The following AP1M1 variants were observed in gnomAD, a reference collection of about 807,000 sequenced individuals.
The protein encoded by AP1M1 is AP-1 complex subunit mu-1.
AP1M1 carries 18 observed loss-of-function variants against 57.1 expected under a neutral mutation model. The ratio of observed to expected loss-of-function variants is 0.32; its 90% CI spans 0.22 to 0.47. AP1M1 has a LOEUF of 0.47. Ranked by LOEUF, AP1M1 falls within the 20% of genes least tolerant of loss-of-function variation. The probability of loss-of-function intolerance (pLI) is 1.00; values close to 1 mark genes in which losing one functional copy is unlikely to be tolerated. For synonymous variants in AP1M1, 241 were observed against 237.9 expected, an observed-to-expected ratio of 1.01 and a Z score of -0.12; for missense variants, 362 against 593.5, an observed-to-expected ratio of 0.61 and a Z score of 4.05.
At position 16,237,333 on chromosome 19, in the gene AP1M1, C is replaced by G. The variant is rs896946309; in HGVS notation, c.*2898C>G. The G allele has an allele frequency of 6.6e-6, 1 of 152,338 alleles. No homozygotes were observed. Among genetic ancestry groups the G allele is most frequent in the African/African-American group, 2.4e-5 (1 of 41,434 alleles). 9.4% of individuals were successfully genotyped at this position (152,338 alleles called of 1,614,324 possible). On this transcript the variant is annotated 3_prime_UTR_variant, in exon 12 of 12. Coordinates refer to ENST00000291439, the MANE Select transcript of AP1M1 (RefSeq NM_032493.4). ...CCTGTAATCCCAGCTACTCAGTATG[C>G]TGAGGCAGGAGAATGGCTTGAACCC...
Position 16,206,586 on chromosome 19 carries a change from A to G in AP1M1, c.267+178A>G. ...ACTCCCCACGCCTGTGGAATTCTATAGCTCACGTTGCTCCCCTACCGTGGG... is the reference window on the plus strand; with the variant it reads ...ACTCCCCACGCCTGTGGAATTCTATGGCTCACGTTGCTCCCCTACCGTGGG... On this transcript the variant is annotated intron_variant, in intron 3 of 11. Coordinates refer to ENST00000291439, the MANE Select transcript of AP1M1 (RefSeq NM_032493.4). This position sits in a 1 kb window ranked among gnomAD's most constrained non-coding sequence, Gnocchi z 4.3. The G allele has an allele frequency of 1.5e-6, 1 of 668,646 alleles. No individual in the cohort carries two copies. Among genetic ancestry groups the G allele is most frequent in the Non-Finnish European group, 2.6e-6 (1 of 377,770 alleles). The allele number at this position is 668,646 out of a possible 1,614,324, so 41.4% of individuals were successfully genotyped here.
In AP1M1 at chr19:16,197,966, T is replaced by A; in HGVS notation, c.-61T>A. On this transcript the variant is annotated 5_prime_UTR_variant, in exon 1 of 12. Transcript: ENST00000291439. ...CCCGGCCTTGCTCAACGCCCAGCAG[T>A]CCCCACCGTCGCTGCCGCCGCCACC... The A allele has an allele frequency of 9.3e-7, 1 of 1,075,236 alleles. No homozygotes were observed. The highest frequency in any genetic ancestry group is 1.2e-6 in the Non-Finnish European group (1 of 857,620). 66.6% of individuals were successfully genotyped at this position (1,075,236 alleles called of 1,614,324 possible).
At chr19:16,201,656 C>T (rs1317689116) in intron 1 of AP1M1, among the ~76,000 whole-genome samples, 1 of 152,134 alleles carries the variant, frequency 6.6e-6, no homozygotes, top group East Asian at 1.9e-4. Context: ...CCTCAGCCTC[C>T]CAAAGTGCTG....
Position 16,228,625 on chromosome 19 carries a change from A to G in AP1M1, c.889-145A>G, listed in dbSNP as rs2145138277. 1 of 771,302 alleles carries G rather than the reference A, an allele frequency of 1.3e-6. No homozygotes were observed. Among genetic ancestry groups the G allele is most frequent in the Non-Finnish European group, 2.1e-6 (1 of 481,238 alleles). 47.8% of individuals were successfully genotyped at this position (771,302 alleles called of 1,614,324 possible). On this transcript the variant is annotated intron_variant, in intron 8 of 11. Coordinates refer to ENST00000291439, the MANE Select transcript of AP1M1 (RefSeq NM_032493.4). The surrounding 1 kb of genome is among the most constrained non-coding windows in gnomAD (Gnocchi z 5.0). ...TTGGGAGAGTCTCGAGGGCAGGAGAAGGGGTGGGTAGTGCCTGGAGAAGTG... is the reference window on the plus strand; with the variant it reads ...TTGGGAGAGTCTCGAGGGCAGGAGAGGGGGTGGGTAGTGCCTGGAGAAGTG...
In AP1M1 at chr19:16,234,467, G is replaced by A. The variant is rs944577348; in HGVS notation, c.*32G>A. 6.2e-7 allele frequency: 1 copy of A among 1,612,764 alleles called. No individual in the cohort carries two copies. Among genetic ancestry groups the A allele is most frequent in the Admixed American group, 1.7e-5 (1 of 59,996 alleles). On this transcript the variant is annotated 3_prime_UTR_variant, in exon 12 of 12. Coordinates refer to ENST00000291439, the MANE Select transcript of AP1M1 (RefSeq NM_032493.4). ...GTCGCAGCCAACACCCCGGCCTCGG[G>A]GCTCCTGGTGGCAGCACCAGGGGAC...
rs71178661 is a variant in AP1M1, at chr19:16,239,239, C to CTTTTTTTTTTTTTTTTTTTTT, written c.*4824_*4844dup. 2.5e-5 allele frequency: 1 copy of CTTTTTTTTTTTTTTTTTTTTT among 39,232 alleles called. No individual in the cohort carries two copies. The highest frequency in any genetic ancestry group is 8.9e-5 in the African/African-American group (1 of 11,246). 2.4% of individuals were successfully genotyped at this position (39,232 alleles called of 1,614,324 possible). ...TGAGCCACCGCGCCCGGCCAGTTCT[C>CTTTTTTTTTTTTTTTTTTTTT]TTTTTTTTTTTTTTTTTTTTTTTTT... On this transcript the variant is annotated 3_prime_UTR_variant, in exon 12 of 12. Coordinates refer to ENST00000291439, the MANE Select transcript of AP1M1 (RefSeq NM_032493.4).
At position 16,203,156 on chromosome 19, in the gene AP1M1, A is replaced by G; in HGVS notation, c.43-303A>G. 1 of 382,932 alleles carries G rather than the reference A, an allele frequency of 2.6e-6. No individual in the cohort carries two copies. Among genetic ancestry groups the G allele is most frequent in the Non-Finnish European group, 4.8e-6 (1 of 206,212 alleles). 23.7% of individuals were successfully genotyped at this position (382,932 alleles called of 1,614,324 possible). A position where few individuals can be genotyped will look rare whatever the true frequency, so the allele number is the denominator to read the frequency against. On this transcript the variant is annotated intron_variant, in intron 1 of 11. Transcript: ENST00000291439. The surrounding 1 kb of genome is among the most constrained non-coding windows in gnomAD (Gnocchi z 4.6). ...GGTCTGCATTGAGAGCTTGTGAGGC[A>G]TTGCTTAACCTGATGTCTCTGGGTG...
rs1383070345 is a variant in AP1M1 at position 16,203,189 on chromosome 19, C to T, written c.43-270C>T. On this transcript the variant is annotated intron_variant, in intron 1 of 11. Transcript: ENST00000291439. This position sits in a 1 kb window ranked among gnomAD's most constrained non-coding sequence, Gnocchi z 4.6. ...ACCTGATGTCTCTGGGTGATTCAGT[C>T]CTGGACCTTTGCTGCAGAGTTCGCC... 2.0e-6 allele frequency: 1 copy of T among 493,388 alleles called. No individual in the cohort carries two copies. The highest frequency in any genetic ancestry group is 3.4e-5 in the Admixed American group (1 of 29,436). The allele number at this position is 493,388 out of a possible 1,614,324, so 30.6% of individuals were successfully genotyped here. A position where few individuals can be genotyped will look rare whatever the true frequency, so the allele number is the denominator to read the frequency against.
intron 9 of AP1M1, among the ~76,000 whole-genome samples, chr19:16,229,541 G>C (rs1234551889): frequency 2.0e-5 from 3 of 152,172 alleles, no homozygotes; most frequent in African/African-American, 7.2e-5. Context: ...GCTCCACCAG[G>C]GGGGCTCAGG....
chr19:16,201,851 G>A (rs1321693520), intron 1 of AP1M1, among the ~76,000 whole-genome samples: 2 of 152,216 alleles, frequency 1.3e-5, no homozygotes, highest in Non-Finnish European at 2.9e-5. Context: ...GGCAGCGCAG[G>A]CAGAGAGGCG....
Position 16,207,969 on chromosome 19 carries a change from C to T in AP1M1, c.268-50C>T. The stretch of plus-strand genomic sequence containing the variant: ...AAGCGTTCATTCATTCCTCATCCGT[C>T]CGCTCAATGATCTGCCTCCCATTCC... On this transcript the variant is annotated intron_variant, in intron 3 of 11. Transcript: ENST00000291439. This position sits in a 1 kb window ranked among gnomAD's most constrained non-coding sequence, Gnocchi z 4.2. 1 of 1,580,402 alleles carries T rather than the reference C, an allele frequency of 6.3e-7. No individual in the cohort carries two copies. Among genetic ancestry groups the T allele is most frequent in the South Asian group, 1.2e-5 (1 of 85,814 alleles).
At position 16,234,860 on chromosome 19, in the gene AP1M1, C is replaced by T. The variant is rs553568264; in HGVS notation, c.*425C>T. On this transcript the variant is annotated 3_prime_UTR_variant, in exon 12 of 12. Transcript: ENST00000291439. ...GTCGTTTTGTTGCCATTTTGTTGAA[C>T]GTTATGGGTTTATGGGTGTTCCTGG... 24 of 293,842 alleles carry T rather than the reference C, an allele frequency of 8.2e-5. No homozygotes were observed. The East Asian group carries it at 1.0e-3, about 12-fold the overall frequency. The allele number at this position is 293,842 out of a possible 1,614,324, so 18.2% of individuals were successfully genotyped here.
At chr19:16,231,816 C>T (rs1343772415) in intron 9 of AP1M1, among the ~76,000 whole-genome samples, 2 of 152,224 alleles carry the variant, frequency 1.3e-5, no homozygotes, top group African/African-American at 4.8e-5. Context: ...ATTGCTGGAT[C>T]ATATGGTGAT....
Position 16,203,106 on chromosome 19 carries a change from G to A in AP1M1, c.43-353G>A, listed in dbSNP as rs565435653. 2.8e-4 allele frequency: 74 copies of A among 263,044 alleles called. No homozygotes were observed. Among genetic ancestry groups the A allele is most frequent in the African/African-American group, 1.6e-3 (71 of 43,740 alleles). 16.3% of individuals were successfully genotyped at this position (263,044 alleles called of 1,614,324 possible). ...TGACACAGGCGGGAGAGCAAGGTGC[G>A]TTGGCCCGGCAAAGGCTCTGAGAAG... is the stretch of plus-strand genomic sequence containing the variant. On this transcript the variant is annotated intron_variant, in intron 1 of 11. Transcript: ENST00000291439. The surrounding 1 kb of genome is among the most constrained non-coding windows in gnomAD (Gnocchi z 4.6).
intron 9 of AP1M1, among the ~76,000 whole-genome samples, chr19:16,229,885 C>T (rs971036964): frequency 6.6e-6 from 1 of 152,182 alleles, no homozygotes; most frequent in African/African-American, 2.4e-5. Context: ...TGCGGCAGAG[C>T]GTTTTCCTTC....
chr19:16,227,711 C>A lies in AP1M1; in HGVS notation c.816+21C>A. On this transcript the variant is annotated intron_variant, in intron 7 of 11. Transcript: ENST00000291439. The surrounding 1 kb of genome is among the most constrained non-coding windows in gnomAD (Gnocchi z 6.2). ...CCCACGTGAGTGCGCCACCCTGGGG[C>A]TGGGCTGTCGGCAGACTCCTCCTCC... is the stretch of plus-strand genomic sequence containing the variant. 1 of 1,609,052 alleles carries A rather than the reference C, an allele frequency of 6.2e-7. No individual in the cohort carries two copies. Among genetic ancestry groups the A allele is most frequent in the Non-Finnish European group, 8.5e-7 (1 of 1,176,574 alleles).
Position 16,228,716 on chromosome 19 carries a change from T to C in AP1M1, c.889-54T>C, listed in dbSNP as rs1049425039. 6.2e-7 allele frequency: 1 copy of C among 1,602,522 alleles called. No homozygotes were observed. The highest frequency in any genetic ancestry group is 8.5e-7 in the Non-Finnish European group (1 of 1,172,934). On this transcript the variant is annotated intron_variant, in intron 8 of 11. Transcript: ENST00000291439. The surrounding 1 kb of genome is among the most constrained non-coding windows in gnomAD (Gnocchi z 5.0). ...TGAGGGGCATGTGTCCTGGAGAGGC[T>C]GGCCAGCTCACCTTGGCCTCCATAA...
intron 1 of AP1M1, among the ~76,000 whole-genome samples, chr19:16,202,036 T>TG (rs2091450439): frequency 6.6e-6 from 1 of 152,024 alleles, no homozygotes; most frequent in African/African-American, 2.4e-5. Flanking sequence ...AGGAAGGACC[T>TG]GGGGGGTCAA....
chr19:16,215,084 TAGGTTGG>T, intron 5 of AP1M1, among the ~76,000 whole-genome samples: 1 of 150,494 alleles, frequency 6.6e-6, no homozygotes, highest in East Asian at 2.0e-4. Context: ...TGATGAAGCT[TAGGTTGG>T]CCAGATGTGA....
Sources: allele counts gnomAD v4.1 joint callset (sites outside exome capture counted in the v4.1 genomes callset), GRCh38; gene constraint gnomAD v4.1.1; non-coding constraint Gnocchi (gnomAD v3.1); transcripts MANE v1.5; gene names NCBI Gene and HGNC (gene_info 2026-07-23, HGNC 2026-07-21).